JARID2: variants seen among roughly 807,000 people sequenced by gnomAD.
JARID2 encodes jumonji and AT-rich interaction domain containing 2.
Under a neutral mutation model 125.6 loss-of-function variants are expected in JARID2, and 21 were observed. That is an observed-to-expected ratio of 0.17 (90% CI 0.12 to 0.24). The LOEUF (loss-of-function observed/expected upper bound fraction) is 0.24, where lower values mean the gene tolerates loss of function less well. Among genes scored for constraint, JARID2 ranks in the 10% least tolerant of loss-of-function variants. JARID2 has a pLI of 1.00. For synonymous variants in JARID2, 736 were observed against 661.6 expected (o/e 1.11, Z -1.73); for missense variants, 1,303 against 1,639.6 (o/e 0.79, Z 3.55).
chr6:15,492,685 T>C (rs917889318), intron 6 of JARID2, among the ~76,000 whole-genome samples: 1 of 152,204 alleles, frequency 6.6e-6, no homozygotes, highest in Admixed American at 6.5e-5. Context: ...GGGCTTCCTA[T>C]GTTAGCTTTT....
At chr6:15,375,705 A>G (rs1764326949) in intron 2 of JARID2, among the ~76,000 whole-genome samples, 1 of 152,176 alleles carries the variant, frequency 6.6e-6, no homozygotes, top group Non-Finnish European at 1.5e-5. Flanking sequence ...ATTCACGTTG[A>G]ACGTAGCATC....
At chr6:15,405,047 C>T (rs1490637718) in intron 2 of JARID2, among the ~76,000 whole-genome samples, 2 of 152,032 alleles carry the variant, frequency 1.3e-5, no homozygotes, top group South Asian at 2.1e-4. Context: ...TGAAATCTGT[C>T]GTTCTCATTG....
intron 3 of JARID2, among the ~76,000 whole-genome samples, chr6:15,414,741 T>C (rs970913297): frequency 6.6e-6 from 1 of 152,174 alleles, no homozygotes; most frequent in South Asian, 2.1e-4. Flanking sequence ...CTTTTTCTTT[T>C]GATCATTGTG....
At position 15,410,306 on chromosome 6, in the gene JARID2, G is replaced by T; in HGVS notation, c.264G>T (p.Val88=). 6.2e-7 allele frequency: 1 copy of T among 1,614,154 alleles called. No individual in the cohort carries two copies. Among genetic ancestry groups the T allele is most frequent in the East Asian group, 2.2e-5 (1 of 44,884 alleles). ...ATGAAAAGGACGATGCATCCCAAGT[G>T]TCCTCCACTAGCAACGATGTTAGTT... ...SENEKDDASQ[V]SSTSNDVSSS... The change falls in exon 3 of 18, where the codon GTG becomes GTT. Residue 88 remains valine (V), a synonymous_variant. Transcript: ENST00000341776.
At chr6:15,391,540 T>G (rs967570938) in intron 2 of JARID2, among the ~76,000 whole-genome samples, 2 of 152,132 alleles carry the variant, frequency 1.3e-5, no homozygotes, top group Non-Finnish European at 2.9e-5. Flanking sequence ...AAAAGAAAAT[T>G]CTTAAGGCCT....
chr6:15,287,619 C>G (rs2127389641), intron 1 of JARID2, among the ~76,000 whole-genome samples: 1 of 152,272 alleles, frequency 6.6e-6, no homozygotes, highest in South Asian at 2.1e-4. Context: ...GACTGTTTCC[C>G]TATTCAAGTT....
At position 15,450,934 on chromosome 6, in the gene JARID2, G is replaced by A. The variant is rs190895816; in HGVS notation, c.324-1072G>A. On this transcript the variant is annotated intron_variant, in intron 3 of 17. Coordinates refer to ENST00000341776, the MANE Select transcript of JARID2 (RefSeq NM_004973.4). ...AGGTCAAGACTGGGGAGGCTAAGGC[G>A]GGTGGATCACCTGAGGTCAGGAGTT... Among the ~76,000 whole-genome samples, 582 of 152,250 alleles carry A rather than the reference G, an allele frequency of 3.8e-3. 6 individuals carry two copies. The highest frequency in any genetic ancestry group is 0.013 in the African/African-American group (541 of 41,540).
At chr6:15,396,165 G>T (rs1244413773) in intron 2 of JARID2, among the ~76,000 whole-genome samples, 1 of 152,152 alleles carries the variant, frequency 6.6e-6, no homozygotes, top group African/African-American at 2.4e-5. Context: ...CTTCAAATAT[G>T]TTAAGTACAT....
chr6:15,278,486 T>C (rs1760622455), intron 1 of JARID2, among the ~76,000 whole-genome samples: 1 of 150,104 alleles, frequency 6.7e-6, no homozygotes, highest in South Asian at 2.1e-4. Flanking sequence ...CTCGGGAAGC[T>C]GAGGCAGGAG....
intron 1 of JARID2, among the ~76,000 whole-genome samples, chr6:15,262,103 T>C (rs1256244672): frequency 6.6e-6 from 1 of 151,476 alleles, no homozygotes; most frequent in African/African-American, 2.4e-5. Context: ...TGACTTTGTC[T>C]GAGTAGGCAC....
intron 1 of JARID2, among the ~76,000 whole-genome samples, chr6:15,276,555 C>T (rs973447211): frequency 2.0e-5 from 3 of 152,224 alleles, no homozygotes; most frequent in Non-Finnish European, 2.9e-5. Context: ...TCCATTTCCA[C>T]ATTGCCTCAG....
Position 15,421,084 on chromosome 6 carries a change from T to C in JARID2, c.323+10719T>C, listed in dbSNP as rs1303930616. Among the ~76,000 whole-genome samples the C allele has an allele frequency of 3.3e-5, 5 of 152,224 alleles. No individual in the cohort carries two copies. The East Asian group carries it at 9.7e-4, about 29-fold the overall frequency. On this transcript the variant is annotated intron_variant, in intron 3 of 17. Coordinates refer to ENST00000341776, the MANE Select transcript of JARID2 (RefSeq NM_004973.4). ...CTCTGCCTTACACATTATATCACCTTGGCCTCCCCTTGTGTTTCTCAACCC... is the reference window on the plus strand; with the variant it reads ...CTCTGCCTTACACATTATATCACCTCGGCCTCCCCTTGTGTTTCTCAACCC...
At chr6:15,401,154 C>CTATATATATATATATATATA (rs140011539) in intron 2 of JARID2, 2 of 732,336 alleles carry the variant, frequency 2.7e-6, no homozygotes, top group African/African-American at 3.9e-5. Flanking sequence ...TGGCAAGGTG[C>CTATATATATATATATATATA]TATATATATA....
At chr6:15,317,017 C>G (rs1357759591) in intron 1 of JARID2, among the ~76,000 whole-genome samples, 2 of 151,952 alleles carry the variant, frequency 1.3e-5, no homozygotes, top group Admixed American at 6.6e-5. Context: ...TACTTTTGGT[C>G]TAGAATGAAT....
At chr6:15,419,243 A>G (rs1766376823) in intron 3 of JARID2, among the ~76,000 whole-genome samples, 1 of 152,186 alleles carries the variant, frequency 6.6e-6, no homozygotes, top group East Asian at 1.9e-4. Flanking sequence ...CTGGAGATAT[A>G]TTTTATAAAT....
Position 15,487,518 on chromosome 6 carries a change from G to T in JARID2, c.882G>T (p.Arg294=). The change falls in exon 6 of 18, where the codon CGG becomes CGT. Residue 294 remains arginine (R), a synonymous_variant. Coordinates refer to ENST00000341776, the MANE Select transcript of JARID2 (RefSeq NM_004973.4). ...AATHHHPPLH[R]SAQDLRKQVS... ...CCCATCACCACCCCCCTCTGCATCG[G>T]TCGGCTCAGGACTTACGGAAACAGG... 2 of 1,613,308 alleles carry T rather than the reference G, an allele frequency of 1.2e-6. No homozygotes were observed. The highest frequency in any genetic ancestry group is 1.7e-6 in the Non-Finnish European group (2 of 1,179,474).
intron 1 of JARID2, among the ~76,000 whole-genome samples, chr6:15,323,355 C>T (rs1762421352): frequency 6.6e-6 from 1 of 152,198 alleles, no homozygotes; most frequent in South Asian, 2.1e-4. Context: ...CCTAGCCCAG[C>T]CTGGGTGTGC....
chr6:15,378,198 AT>A (rs66993753), intron 2 of JARID2, among the ~76,000 whole-genome samples: 76,569 of 140,894 alleles, frequency 0.54, 20,104 homozygotes, highest in South Asian at 0.63. Context: ...TCAATTTTTA[AT>A]TTTTTTTTTT....
intron 1 of JARID2, among the ~76,000 whole-genome samples, chr6:15,341,611 TTGG>T (rs1417323904): frequency 6.6e-6 from 1 of 152,232 alleles, no homozygotes; most frequent in Non-Finnish European, 1.5e-5. Context: ...ATAAAATTTC[TTGG>T]TGGGGGGTAA....
Sources: gnomAD v4.1 joint callset for allele counts (sites outside exome capture counted in the v4.1 genomes callset) on GRCh38, gnomAD v4.1.1 for gene constraint, MANE v1.5 for transcripts, NCBI Gene and HGNC (gene_info 2026-07-23, HGNC 2026-07-21) for gene names.